GRIA1: variants seen among roughly 807,000 people sequenced by gnomAD.
GRIA1 encodes the protein glutamate receptor 1.
In GRIA1, 31 loss-of-function variants were observed where a neutral mutation model predicts 99.2. The ratio of observed to expected loss-of-function variants is 0.31; its 90% CI spans 0.23 to 0.42. The LOEUF is 0.42. Ranked by LOEUF, GRIA1 falls within the 10% of genes least tolerant of loss-of-function variation. The pLI is 1.00. For synonymous variants in GRIA1, 438 were observed against 432.4 expected (o/e 1.01, Z -0.16); for missense variants, 782 against 1,157.5 (o/e 0.68, Z 4.71).
rs1758847424 is a variant in GRIA1, at chr5:153,705,751, A to G, written c.1507A>G (p.Ile503Val). Reference sequence around the variant, plus strand: ...TATCACTTTGGTCCGGGAAGAAGTTATAGATTTCTCCAAACCATTTATGAG... The same window carrying G: ...TATCACTTTGGTCCGGGAAGAAGTTGTAGATTTCTCCAAACCATTTATGAG... ...LTITLVREEV[I>V]DFSKPFMSLG... The change falls in exon 11 of 16, where the codon ATA becomes GTA. Residue 503 changes from isoleucine (I) to valine (V), a missense_variant. By Grantham distance (29) the Ile-to-Val change is conservative. This residue lies in a region of GRIA1 where 87 missense variants were observed against 184.5 expected (regional missense o/e 0.47). Coordinates refer to ENST00000285900, the MANE Select transcript of GRIA1 (RefSeq NM_000827.4). 2 of 1,463,852 alleles carry G rather than the reference A, an allele frequency of 1.4e-6. No homozygotes were observed. Among genetic ancestry groups the G allele is most frequent in the Non-Finnish European group, 1.8e-6 (2 of 1,098,658 alleles). The allele number at this position is 1,463,852 out of a possible 1,614,324, so 90.7% of individuals were successfully genotyped here.
At chr5:153,519,404 C>T in intron 2 of GRIA1, among the ~76,000 whole-genome samples, 1 of 151,838 alleles carries the variant, frequency 6.6e-6, no homozygotes, top group Non-Finnish European at 1.5e-5. Flanking sequence ...AGTTTGACAA[C>T]CACTACCTAT....
At chr5:153,581,887 A>G (rs1002438036) in intron 2 of GRIA1, among the ~76,000 whole-genome samples, 2 of 151,824 alleles carry the variant, frequency 1.3e-5, no homozygotes, top group African/African-American at 4.8e-5. Flanking sequence ...CCTCCCAAGT[A>G]GCTGAGACTA....
At chr5:153,720,284 C>A (rs577544935) in intron 11 of GRIA1, among the ~76,000 whole-genome samples, 2 of 152,258 alleles carry the variant, frequency 1.3e-5, no homozygotes, top group African/African-American at 4.8e-5. Context: ...TTTTAAAGGA[C>A]TAATGTTTAG....
In GRIA1 at chr5:153,798,269, C is replaced by G. The variant is rs949818454; in HGVS notation, c.2385+3534C>G. Among the ~76,000 whole-genome samples the G allele has an allele frequency of 3.9e-5, 6 of 152,322 alleles. No individual in the cohort carries two copies. The East Asian group carries it at 1.2e-3, about 29-fold the overall frequency. Reference sequence around the variant, plus strand: ...TGAGCCTAGCCAACCACTCAGCCTTCACTCCCAGGAAGTAGTCAACTGCTC... The same window carrying G: ...TGAGCCTAGCCAACCACTCAGCCTTGACTCCCAGGAAGTAGTCAACTGCTC... On this transcript the variant is annotated intron_variant, in intron 14 of 15. Coordinates refer to ENST00000285900, the MANE Select transcript of GRIA1 (RefSeq NM_000827.4).
chr5:153,765,359 A>C (rs953367632), intron 12 of GRIA1, among the ~76,000 whole-genome samples: 23 of 152,202 alleles, frequency 1.5e-4, no homozygotes, highest in Non-Finnish European at 2.9e-5. Flanking sequence ...AGACTAAAAG[A>C]GATAGGGTAT....
At chr5:153,717,015 C>T (rs755120710) in intron 11 of GRIA1, among the ~76,000 whole-genome samples, 10 of 152,088 alleles carry the variant, frequency 6.6e-5, no homozygotes, top group African/African-American at 1.7e-4. Flanking sequence ...GAACAGGAAG[C>T]GGCTGTTGAG....
At chr5:153,655,585 G>A (rs535622123) in intron 4 of GRIA1, among the ~76,000 whole-genome samples, 1 of 152,128 alleles carries the variant, frequency 6.6e-6, no homozygotes, top group Non-Finnish European at 1.5e-5. Flanking sequence ...CCACTTAGTA[G>A]CTGTAAGATT....
At chr5:153,531,048 G>T (rs1758054291) in intron 2 of GRIA1, among the ~76,000 whole-genome samples, 1 of 152,234 alleles carries the variant, frequency 6.6e-6, no homozygotes, top group African/African-American at 2.4e-5. Context: ...TCTGGACAGG[G>T]ACAGAGAGGG....
At chr5:153,601,270 TA>T (rs1764932008) in intron 2 of GRIA1, among the ~76,000 whole-genome samples, 1 of 152,238 alleles carries the variant, frequency 6.6e-6, no homozygotes. Context: ...TAAGATCTCA[TA>T]ACTCATAAGT....
chr5:153,746,302 G>C (rs1309122719), intron 11 of GRIA1, among the ~76,000 whole-genome samples: 1 of 152,146 alleles, frequency 6.6e-6, no homozygotes, highest in African/African-American at 2.4e-5. Context: ...AGTGTGCAGG[G>C]AACTGAGTAG....
At chr5:153,534,903 TTTTTGTTTTGTTTTG>T (rs3064336) in intron 2 of GRIA1, among the ~76,000 whole-genome samples, 73 of 150,608 alleles carry the variant, frequency 4.8e-4, no homozygotes, top group African/African-American at 1.6e-3. Context: ...CACAGGCCTT[TTTTTGTTTTGTTTTG>T]TTTTGTTTTG....
chr5:153,560,493 A>G (rs1761025462), intron 2 of GRIA1, among the ~76,000 whole-genome samples: 1 of 152,132 alleles, frequency 6.6e-6, no homozygotes, highest in Non-Finnish European at 1.5e-5. Context: ...TAATTAAATC[A>G]TGGGTGTGTG....
Position 153,812,899 on chromosome 5 carries a change from C to T in GRIA1, c.*1674C>T, listed in dbSNP as rs147586799. 6.6e-6 allele frequency: 1 copy of T among 152,340 alleles called. No homozygotes were observed. Among genetic ancestry groups the T allele is most frequent in the East Asian group, 1.9e-4 (1 of 5,178 alleles). 9.4% of individuals were successfully genotyped at this position (152,340 alleles called of 1,614,324 possible). A position where few individuals can be genotyped will look rare whatever the true frequency, so the allele number is the denominator to read the frequency against. On this transcript the variant is annotated 3_prime_UTR_variant, in exon 16 of 16. Coordinates refer to ENST00000285900, the MANE Select transcript of GRIA1 (RefSeq NM_000827.4). ...GCTTTTACTGATAACCATATTCTGG[C>T]TTGTTCCCTTACCCCCTACTTCTAT...
At chr5:153,769,191 C>G (rs1315069362) in intron 12 of GRIA1, among the ~76,000 whole-genome samples, 2 of 152,198 alleles carry the variant, frequency 1.3e-5, no homozygotes, top group African/African-American at 2.4e-5. Flanking sequence ...CCTCACAATA[C>G]TGTTTCTCAA....
chr5:153,626,462 GTGTGTGTGTGTGTGTGTGTGTGTGTA>G (rs1767630280), intron 2 of GRIA1, among the ~76,000 whole-genome samples: 2 of 149,832 alleles, frequency 1.3e-5, no homozygotes, highest in Non-Finnish European at 1.5e-5. Flanking sequence ...GTGTGTGTGT[GTGTGTGTGTGTGTGTGTGTGTGTGTA>G]TGTGTTGTGC....
intron 13 of GRIA1, 65 bp from the exon 14 acceptor site, chr5:153,794,556 G>GT: frequency 1.8e-6 from 2 of 1,093,416 alleles, no homozygotes; most frequent in Non-Finnish European, 2.8e-6. Context: ...GATCCCTTGG[G>GT]TCACGTGACT....
chr5:153,687,032 TCCTC>T (rs1033012008), intron 8 of GRIA1, among the ~76,000 whole-genome samples: 22 of 149,690 alleles, frequency 1.5e-4, no homozygotes, highest in Non-Finnish European at 8.9e-5. Context: ...GCCTGGGACT[TCCTC>T]CCCCCATCTC....
At chr5:153,717,682 A>G (rs1759765838) in intron 11 of GRIA1, among the ~76,000 whole-genome samples, 1 of 152,202 alleles carries the variant, frequency 6.6e-6, no homozygotes, top group African/African-American at 2.4e-5. Flanking sequence ...TTCAGCTGCC[A>G]TCAGGAAGAG....
At chr5:153,682,109 G>A (rs1177782837) in intron 7 of GRIA1, among the ~76,000 whole-genome samples, 2 of 151,940 alleles carry the variant, frequency 1.3e-5, no homozygotes, top group Non-Finnish European at 2.9e-5. Context: ...TCAGAGCCAA[G>A]ATTATTCTTC....
Sources: allele counts gnomAD v4.1 joint callset (sites outside exome capture counted in the v4.1 genomes callset), GRCh38; gene constraint gnomAD v4.1.1; regional missense constraint gnomAD v4.1.1; transcripts MANE v1.5; gene names NCBI Gene and HGNC (gene_info 2026-07-23, HGNC 2026-07-21).